Variants in NRP1 observed in about 807,000 individuals in gnomAD.
NRP1 encodes neuropilin-1.
A neutral mutation model predicts 106.7 loss-of-function variants in NRP1; 35 were observed. That is an observed-to-expected ratio of 0.33 (90% CI 0.25 to 0.43). The LOEUF (loss-of-function observed/expected upper bound fraction) is 0.43. Ranked by LOEUF, NRP1 falls within the 20% of genes least tolerant of loss-of-function variation. NRP1 has a pLI of 1.00. For synonymous variants in NRP1, 437 were observed against 417.9 expected, an observed-to-expected ratio of 1.05 and a Z score of -0.56; for missense variants, 1,024 against 1,170.4, an observed-to-expected ratio of 0.87 and a Z score of 1.83.
At chr10:33,214,463 C>G (rs987507526) in intron 8 of NRP1, among the ~76,000 whole-genome samples, 3 of 152,076 alleles carry the variant, frequency 2.0e-5, no homozygotes, top group Non-Finnish European at 4.4e-5. Context: ...GCTGCCAAAT[C>G]CTGTTGTTTT....
intron 8 of NRP1, among the ~76,000 whole-genome samples, chr10:33,220,228 G>A (rs1454745392): frequency 6.6e-6 from 1 of 152,114 alleles, no homozygotes; most frequent in African/African-American, 2.4e-5. Context: ...AAAATTGCTT[G>A]TAATTTCATG....
chr10:33,225,805 C>CA (rs1210481443), intron 7 of NRP1, among the ~76,000 whole-genome samples: 4 of 152,232 alleles, frequency 2.6e-5, no homozygotes, highest in African/African-American at 9.6e-5. Flanking sequence ...GGAAAAACAA[C>CA]AAAACCCCAA....
chr10:33,193,140 C>CT (rs938628568), intron 12 of NRP1, among the ~76,000 whole-genome samples: 59 of 151,756 alleles, frequency 3.9e-4, no homozygotes, highest in African/African-American at 1.3e-3. Flanking sequence ...CTTCTCTTTT[C>CT]TTTTTTTTAA....
intron 11 of NRP1, chr10:33,202,560 G>A (rs555045509): frequency 1.1e-5 from 15 of 1,404,556 alleles, no homozygotes; most frequent in South Asian, 1.5e-5. Flanking sequence ...GGTGGTGCAC[G>A]TGTTATTGGG....
intron 15 of NRP1, among the ~76,000 whole-genome samples, chr10:33,183,135 A>G (rs762868569): frequency 1.3e-5 from 2 of 152,142 alleles, no homozygotes; most frequent in Non-Finnish European, 2.9e-5. Context: ...GTTTAGGACC[A>G]GCCTGGGCAA....
intron 3 of NRP1, among the ~76,000 whole-genome samples, chr10:33,267,975 C>T (rs1843035899): frequency 6.6e-6 from 1 of 152,018 alleles, no homozygotes. Flanking sequence ...AACCTCAAGG[C>T]CATTCTGGTT....
intron 2 of NRP1, among the ~76,000 whole-genome samples, chr10:33,294,399 C>T (rs550727920): frequency 2.0e-5 from 3 of 152,246 alleles, no homozygotes; most frequent in Admixed American, 6.5e-5. Flanking sequence ...GGGCGGATCT[C>T]CTGAGGTCGG....
intron 6 of NRP1, among the ~76,000 whole-genome samples, chr10:33,226,877 A>G (rs1440641914): frequency 6.6e-6 from 1 of 152,116 alleles, no homozygotes; most frequent in East Asian, 1.9e-4. Context: ...TACATCTTCT[A>G]TGTATCTGAT....
At chr10:33,189,446 T>C (rs1210605140) in intron 13 of NRP1, among the ~76,000 whole-genome samples, 1 of 152,218 alleles carries the variant, frequency 6.6e-6, no homozygotes, top group African/African-American at 2.4e-5. Context: ...GCCTCTGCCA[T>C]TGGAAGCCCT....
chr10:33,266,779 G>A (rs1417677531), intron 3 of NRP1, among the ~76,000 whole-genome samples: 1 of 152,282 alleles, frequency 6.6e-6, no homozygotes, highest in Middle Eastern at 3.4e-3. Context: ...TCTTGGCCTT[G>A]TCCTTGCAAT....
intron 6 of NRP1, among the ~76,000 whole-genome samples, chr10:33,239,114 G>A (rs1840807229): frequency 6.6e-6 from 1 of 151,956 alleles, no homozygotes; most frequent in African/African-American, 2.4e-5. Context: ...AACCTGGTGA[G>A]ACCCTGTCTC....
chr10:33,296,378 G>T (rs982039601), intron 2 of NRP1, among the ~76,000 whole-genome samples: 1 of 152,146 alleles, frequency 6.6e-6, no homozygotes, highest in African/African-American at 2.4e-5. Context: ...TTAGGAAAAA[G>T]TACTCTTTTC....
chr10:33,312,978 T>G (rs1846716371), intron 2 of NRP1, among the ~76,000 whole-genome samples: 1 of 152,198 alleles, frequency 6.6e-6, no homozygotes, highest in Non-Finnish European at 1.5e-5. Flanking sequence ...CTCCTGTAGT[T>G]TGAAGACCAA....
chr10:33,192,318 C>T lies in NRP1; in HGVS notation c.2025G>A (p.Val675=). The part of the protein sequence containing the change: ...HDNHVQLKWS[V]LTSKTGPIQD... ...GAATGGGTCCCGTCTTGCTGGTCAA[C>T]ACACTCCACTTGAGCTGCACGTGAT... Residue 675 remains valine (V), a synonymous_variant, in exon 13 of 17, where the codon GTG becomes GTA. Coordinates refer to ENST00000374867, the MANE Select transcript of NRP1 (RefSeq NM_003873.7). 6.2e-7 allele frequency: 1 copy of T among 1,613,848 alleles called. No homozygotes were observed. Among genetic ancestry groups the T allele is most frequent in the Non-Finnish European group, 8.5e-7 (1 of 1,179,826 alleles).
At chr10:33,308,264 T>C (rs1418385156) in intron 2 of NRP1, among the ~76,000 whole-genome samples, 1 of 151,968 alleles carries the variant, frequency 6.6e-6, no homozygotes, top group Non-Finnish European at 1.5e-5. Flanking sequence ...TTGTGTACTG[T>C]GCTTATTACC....
Position 33,205,816 on chromosome 10 carries a change from C to G in NRP1, c.1759+1756G>C, listed in dbSNP as rs1837726854. 1.6e-5 allele frequency: 3 copies of G among 183,292 alleles called. No individual in the cohort carries two copies. The South Asian group carries it at 3.7e-4, about 23-fold the overall frequency. The allele number at this position is 183,292 out of a possible 1,614,324, so 11.4% of individuals were successfully genotyped here. Reference sequence around the variant, plus strand: ...TCTTGCAGCCTCCAGCTGCATGACCCCTAAACCATAATTTCATTTTTTTCC... The same window carrying G: ...TCTTGCAGCCTCCAGCTGCATGACCGCTAAACCATAATTTCATTTTTTTCC... On this transcript the variant is annotated intron_variant, in intron 10 of 16. Coordinates refer to ENST00000374867, the MANE Select transcript of NRP1 (RefSeq NM_003873.7).
intron 2 of NRP1, among the ~76,000 whole-genome samples, chr10:33,285,910 C>A (rs1055491031): frequency 6.6e-6 from 1 of 152,124 alleles, no homozygotes; most frequent in Non-Finnish European, 1.5e-5. Context: ...AATTCCGAAT[C>A]CAGACAGGAA....
chr10:33,202,438 A>T (rs1375235352), intron 11 of NRP1: 25 of 555,418 alleles, frequency 4.5e-5, no homozygotes, highest in Non-Finnish European at 6.4e-5. Context: ...TAAAAGCCGC[A>T]CTTCAAATAT....
Position 33,270,814 on chromosome 10 carries a change from T to C in NRP1, c.291A>G (p.Gly97=), listed in dbSNP as rs1422316049. The C allele has an allele frequency of 1.9e-6, 3 of 1,613,276 alleles. No individual in the cohort carries two copies. Among genetic ancestry groups the C allele is most frequent in the Admixed American group, 1.7e-5 (1 of 59,880 alleles). The change falls in exon 3 of 17, where the codon GGA becomes GGG. Residue 97 remains glycine, a synonymous_variant. Transcript: ENST00000374867. Reference sequence around the variant, plus strand: ...TTCCACAGAACTTTCCCCTAAAATGTCCATTTTCATTTTCTCCATCGAAGA... The same window carrying C: ...TTCCACAGAACTTTCCCCTAAAATGCCCATTTTCATTTTCTCCATCGAAGA... The part of the protein sequence containing the change: ...VEVFDGENEN[G]HFRGKFCGKI...
Sources: allele counts gnomAD v4.1 joint callset (sites outside exome capture counted in the v4.1 genomes callset), GRCh38; gene constraint gnomAD v4.1.1; transcripts MANE v1.5; gene names NCBI Gene and HGNC (gene_info 2026-07-23, HGNC 2026-07-21).